The following MARCHF1 variants were observed in gnomAD, a reference collection of about 807,000 sequenced individuals.
MARCHF1 encodes the protein E3 ubiquitin-protein ligase MARCHF1.
Under a neutral mutation model 54.2 loss-of-function variants are expected in MARCHF1, and 40 were observed. That is an observed-to-expected ratio of 0.74 (90% confidence interval 0.57 to 0.96). The LOEUF (loss-of-function observed/expected upper bound fraction) is 0.96, where lower values mean the gene tolerates loss of function less well. Ranked by LOEUF, MARCHF1 falls within the 40% of genes least tolerant of loss-of-function variation. MARCHF1 has a pLI of 0.00. For synonymous variants in MARCHF1, 236 were observed against 236.3 expected (o/e 1.00, Z 0.01); for missense variants, 586 against 656.5 (o/e 0.89, Z 1.17).
At chr4:164,098,129 C>T (rs1318922872) in intron 2 of MARCHF1, among the ~76,000 whole-genome samples, 6 of 152,136 alleles carry the variant, frequency 3.9e-5, no homozygotes, top group Non-Finnish European at 8.8e-5. Context: ...ATGCTTTCAG[C>T]TTACCACTTG....
intron 3 of MARCHF1, among the ~76,000 whole-genome samples, chr4:163,959,334 A>C (rs146216353): frequency 0.13 from 14,007 of 108,330 alleles, 748 homozygotes; most frequent in Non-Finnish European, 0.19. Context: ...CAACAACAAA[A>C]AAAAAAAACA....
intron 3 of MARCHF1, among the ~76,000 whole-genome samples, chr4:163,897,823 G>A (rs747507009): frequency 4.6e-5 from 7 of 151,934 alleles, no homozygotes; most frequent in East Asian, 3.9e-4. Flanking sequence ...TTGGGAGGCC[G>A]AGGCGGGTGG....
chr4:164,149,844 T>A (rs1729884042), intron 1 of MARCHF1, among the ~76,000 whole-genome samples: 1 of 152,180 alleles, frequency 6.6e-6, no homozygotes, highest in African/African-American at 2.4e-5. Flanking sequence ...TAAATTTATG[T>A]TGAATTTTCA....
rs1742883478 is a variant in MARCHF1, at chr4:163,649,414, A to T, written c.163-36021T>A. Among the ~76,000 whole-genome samples the T allele has an allele frequency of 2.0e-5, 3 of 152,068 alleles. No homozygotes were observed. In the South Asian group the frequency reaches 6.2e-4, roughly 31 times the overall value. The stretch of plus-strand genomic sequence containing the variant: ...AAACACATTGTACAAAAGAAAGGCT[A>T]TTGGGAAAAATAATCGGTGATATCT... On this transcript the variant is annotated intron_variant, in intron 5 of 9. Transcript: ENST00000514618.
intron 1 of MARCHF1, among the ~76,000 whole-genome samples, chr4:164,158,488 A>G (rs889441926): frequency 1.3e-5 from 2 of 152,040 alleles, no homozygotes; most frequent in Non-Finnish European, 2.9e-5. Flanking sequence ...TAAAAATACA[A>G]AAGTCAGCCA....
chr4:164,214,265 A>G (rs983030331), intron 1 of MARCHF1, among the ~76,000 whole-genome samples: 1 of 152,178 alleles, frequency 6.6e-6, no homozygotes, highest in Non-Finnish European at 1.5e-5. Flanking sequence ...CCGAACTGTG[A>G]GACAGTAAAT....
intron 3 of MARCHF1, among the ~76,000 whole-genome samples, chr4:163,955,654 TG>T (rs148052351): frequency 0.014 from 2,127 of 152,236 alleles, 61 homozygotes; most frequent in African/African-American, 0.048. Flanking sequence ...AGTCAGAATC[TG>T]GGGCTTTCCT....
At chr4:163,724,284 C>T (rs1191983600) in intron 4 of MARCHF1, among the ~76,000 whole-genome samples, 5 of 152,200 alleles carry the variant, frequency 3.3e-5, no homozygotes, top group African/African-American at 4.8e-5. Context: ...CCACTCTAGA[C>T]CCTGTTTGCC....
At chr4:164,031,660 C>T (rs56010822) in intron 2 of MARCHF1, among the ~76,000 whole-genome samples, 18,263 of 152,128 alleles carry the variant, frequency 0.12, 1,265 homozygotes, top group South Asian at 0.22. Flanking sequence ...TTGAACCAGC[C>T]TTGCATCCCA....
chr4:164,258,424 C>A (rs1733357896), intron 1 of MARCHF1, among the ~76,000 whole-genome samples: 1 of 108,696 alleles, frequency 9.2e-6, no homozygotes, highest in Non-Finnish European at 1.8e-5. Context: ...TAATAAAGGA[C>A]AAAACAATAG....
chr4:163,524,809 A>C lies in MARCHF1; in HGVS notation c.*3939T>G, dbSNP rs987544361. On this transcript the variant is annotated 3_prime_UTR_variant, in exon 10 of 10. Coordinates refer to ENST00000514618, the MANE Select transcript of MARCHF1 (RefSeq NM_001394959.1). ...TGCTTTAGTACACATGATTCACAAA[A>C]CAGTAAATTGTTAATGCAAGAGAAT... is the stretch of plus-strand genomic sequence containing the variant. The C allele has an allele frequency of 1.3e-5, 2 of 152,212 alleles. No homozygotes were observed. The highest frequency in any genetic ancestry group is 4.8e-5 in the African/African-American group (2 of 41,454). 9.4% of individuals were successfully genotyped at this position (152,212 alleles called of 1,614,324 possible).
chr4:163,823,811 TA>T (rs1052930271), intron 4 of MARCHF1, among the ~76,000 whole-genome samples: 2 of 151,890 alleles, frequency 1.3e-5, no homozygotes, highest in African/African-American at 4.8e-5. Context: ...CCAAGATAGT[TA>T]TTTTTTTCTA....
intron 1 of MARCHF1, among the ~76,000 whole-genome samples, chr4:164,366,838 G>C (rs1045089182): frequency 2.0e-5 from 3 of 151,310 alleles, no homozygotes; most frequent in Non-Finnish European, 4.4e-5. Context: ...TAAAAATTAG[G>C]GTAATTTTCT....
intron 2 of MARCHF1, among the ~76,000 whole-genome samples, chr4:164,076,028 G>C (rs895659319): frequency 6.6e-6 from 1 of 152,092 alleles, no homozygotes; most frequent in African/African-American, 2.4e-5. Flanking sequence ...CCTGTAACTA[G>C]TGATACAGGT....
intron 5 of MARCHF1, chr4:163,613,597 C>G: frequency 6.9e-7 from 1 of 1,459,778 alleles, no homozygotes; most frequent in Non-Finnish European, 9.0e-7. Flanking sequence ...AGCTGAGATG[C>G]TGCGCTATTT....
chr4:164,025,181 C>T (rs1728182894), intron 2 of MARCHF1, among the ~76,000 whole-genome samples: 2 of 152,076 alleles, frequency 1.3e-5, no homozygotes, highest in Non-Finnish European at 2.9e-5. Flanking sequence ...TTACACAGAT[C>T]ATTGAGGCAG....
At chr4:164,078,889 T>C (rs1755033803) in intron 2 of MARCHF1, among the ~76,000 whole-genome samples, 2 of 152,122 alleles carry the variant, frequency 1.3e-5, no homozygotes, top group South Asian at 2.1e-4. Flanking sequence ...CTGCACGTTG[T>C]GCACATGTAC....
chr4:164,295,444 ACAAACAC>A (rs1206033965), intron 1 of MARCHF1, among the ~76,000 whole-genome samples: 2 of 79,882 alleles, frequency 2.5e-5, no homozygotes, highest in Non-Finnish European at 6.9e-5. Context: ...ACACATACAC[ACAAACAC>A]ACACACACAC....
At chr4:163,886,907 C>T (rs751455357) in intron 3 of MARCHF1, among the ~76,000 whole-genome samples, 14 of 152,132 alleles carry the variant, frequency 9.2e-5, no homozygotes, top group Non-Finnish European at 1.9e-4. Flanking sequence ...CCTTCATCCT[C>T]TTATATTCCT....
Sources: gnomAD v4.1 joint callset for allele counts (sites outside exome capture counted in the v4.1 genomes callset) on GRCh38, gnomAD v4.1.1 for gene constraint, MANE v1.5 for transcripts, NCBI Gene and HGNC (gene_info 2026-07-23, HGNC 2026-07-21) for gene names.